CPM: variants seen among roughly 807,000 people sequenced by gnomAD.
The protein encoded by CPM is renal carboxypeptidase.
Under a neutral mutation model 46.4 loss-of-function variants are expected in CPM, and 35 were observed. That is an observed-to-expected ratio of 0.75 (90% CI 0.58 to 1.00). The LOEUF is 1.00. Ranked by LOEUF, CPM falls within the 50% of genes least tolerant of loss-of-function variation. CPM has a pLI of 0.00. For synonymous variants in CPM, 195 were observed against 195.3 expected (o/e 1.00, Z 0.01); for missense variants, 422 against 530.4 (o/e 0.80, Z 2.01).
In CPM at chr12:68,854,329, A is replaced by G. The variant is rs1375463813; in HGVS notation, c.*2108T>C. On this transcript the variant is annotated 3_prime_UTR_variant, in exon 9 of 9. Transcript: ENST00000551568. ...CTACTATGTGCTAGGCTTTGAGGAT[A>G]TAACAATGAATTTTTCAAACAAATT... The G allele has an allele frequency of 6.6e-6, 1 of 152,234 alleles. No individual in the cohort carries two copies. 9.4% of individuals were successfully genotyped at this position (152,234 alleles called of 1,614,324 possible).
chr12:68,900,870 G>A (rs759423824), intron 2 of CPM, among the ~76,000 whole-genome samples: 12 of 152,222 alleles, frequency 7.9e-5, no homozygotes, highest in African/African-American at 1.2e-4. Context: ...AAAGGCTAGT[G>A]AGGAGGGAAG....
intron 2 of CPM, among the ~76,000 whole-genome samples, chr12:68,903,936 G>C (rs1887228402): frequency 6.6e-6 from 1 of 151,778 alleles, no homozygotes. Context: ...GCCCAGGCTG[G>C]AATGCAGTGG....
intron 2 of CPM, among the ~76,000 whole-genome samples, chr12:68,890,481 C>T (rs1389926156): frequency 1.3e-5 from 2 of 152,044 alleles, no homozygotes; most frequent in Non-Finnish European, 2.9e-5. Flanking sequence ...GTGTGATAGC[C>T]ACAATGCATA....
chr12:68,908,907 A>G (rs1887462891), intron 2 of CPM, among the ~76,000 whole-genome samples: 1 of 152,224 alleles, frequency 6.6e-6, no homozygotes, highest in Non-Finnish European at 1.5e-5. Flanking sequence ...AAAACAGGCA[A>G]ATGGCATGAG....
At chr12:68,944,753 G>A (rs1229301874) in intron 1 of CPM, among the ~76,000 whole-genome samples, 6 of 151,596 alleles carry the variant, frequency 4.0e-5, no homozygotes, top group Non-Finnish European at 7.4e-5. Context: ...GAAGTGACAA[G>A]GCAGCAGAGC....
chr12:68,912,394 A>G (rs1339495315), intron 2 of CPM, among the ~76,000 whole-genome samples: 2 of 152,186 alleles, frequency 1.3e-5, no homozygotes, highest in African/African-American at 4.8e-5. Context: ...CTCAATTTCA[A>G]TACCTGATAC....
chr12:68,868,866 C>A (rs1248616510), intron 6 of CPM, among the ~76,000 whole-genome samples: 3 of 152,114 alleles, frequency 2.0e-5, no homozygotes, highest in African/African-American at 7.2e-5. Flanking sequence ...AGCAGCTGTC[C>A]CTGTTAGATG....
intron 2 of CPM, among the ~76,000 whole-genome samples, chr12:68,896,366 A>G (rs1464976306): frequency 6.6e-6 from 1 of 151,700 alleles, no homozygotes; most frequent in African/African-American, 2.4e-5. Context: ...ATTGAAACCA[A>G]AGGTTTTCCT....
intron 2 of CPM, among the ~76,000 whole-genome samples, chr12:68,925,810 G>C (rs1163315312): frequency 6.6e-6 from 1 of 152,078 alleles, no homozygotes; most frequent in Non-Finnish European, 1.5e-5. Flanking sequence ...CTCTATAGCA[G>C]CACAGTCCGA....
intron 1 of CPM, among the ~76,000 whole-genome samples, chr12:68,944,467 A>T (rs1888811102): frequency 6.6e-6 from 1 of 152,134 alleles, no homozygotes; most frequent in African/African-American, 2.4e-5. Flanking sequence ...GCAGTGGTAT[A>T]ATCATAGCTC....
rs1246619420 is a variant in CPM at position 68,856,133 on chromosome 12, AT to A, written c.*303del. ...ACAAAATGATCTTCTTTTTGCAGGC[AT>A]TTTTTTGCTTCTCAAGTTTTAACTT... On this transcript the variant is annotated 3_prime_UTR_variant, in exon 9 of 9. Coordinates refer to ENST00000551568, the MANE Select transcript of CPM (RefSeq NM_198320.5). 3.5e-5 allele frequency: 11 copies of A among 318,586 alleles called. No individual in the cohort carries two copies. The highest frequency in any genetic ancestry group is 8.9e-4 in the Middle Eastern group (1 of 1,126). The allele number at this position is 318,586 out of a possible 1,614,324, so 19.7% of individuals were successfully genotyped here.
rs767586607 is a variant in CPM at position 68,871,959 on chromosome 12, A to C, written c.259-3T>G. On this transcript the variant is annotated splice_region_variant and splice_polypyrimidine_tract_variant and intron_variant, in intron 3 of 8. Coordinates refer to ENST00000551568, the MANE Select transcript of CPM (RefSeq NM_198320.5). ...AGCAGCAGCTCCCGCCCAACAGTCT[A>C]TATGTGTTAAAGAGAAAAGAGGACA... The C allele has an allele frequency of 1.2e-6, 2 of 1,614,102 alleles. No homozygotes were observed. Among genetic ancestry groups the C allele is most frequent in the Non-Finnish European group, 1.7e-6 (2 of 1,180,004 alleles).
chr12:68,939,142 T>G (rs561703091), intron 1 of CPM, among the ~76,000 whole-genome samples: 1 of 145,840 alleles, frequency 6.9e-6, no homozygotes, highest in Non-Finnish European at 1.5e-5. Context: ...TATATGTACA[T>G]ATATCTATAA....
At chr12:68,861,720 G>A (rs1380358568) in intron 7 of CPM, among the ~76,000 whole-genome samples, 1 of 151,334 alleles carries the variant, frequency 6.6e-6, no homozygotes, top group Non-Finnish European at 1.5e-5. Flanking sequence ...TAGAGACAGG[G>A]TTTCTCCATG....
intron 2 of CPM, among the ~76,000 whole-genome samples, chr12:68,905,918 GT>G (rs1405613236): frequency 2.0e-5 from 3 of 152,108 alleles, no homozygotes; most frequent in African/African-American, 7.2e-5. Flanking sequence ...GGGAACACTG[GT>G]GACCACTGGG....
At chr12:68,915,571 C>A (rs879328682) in intron 2 of CPM, among the ~76,000 whole-genome samples, 1 of 152,168 alleles carries the variant, frequency 6.6e-6, no homozygotes, top group African/African-American at 2.4e-5. Context: ...CCCTGTAGGC[C>A]AGCTTACAAA....
At chr12:68,939,506 A>G (rs1345824447) in intron 1 of CPM, among the ~76,000 whole-genome samples, 2 of 151,928 alleles carry the variant, frequency 1.3e-5, no homozygotes, top group East Asian at 3.8e-4. Flanking sequence ...TGCTATCTTT[A>G]CAGAGCAAAA....
chr12:68,918,341 T>A (rs905245482), intron 2 of CPM, among the ~76,000 whole-genome samples: 3 of 152,204 alleles, frequency 2.0e-5, no homozygotes, highest in African/African-American at 7.2e-5. Flanking sequence ...TCTATGTTGA[T>A]GACTCCCAAC....
In CPM at chr12:68,853,073, T is replaced by TTTTG. The variant is rs1465125385; in HGVS notation, c.*3360_*3363dup. 5.3e-5 allele frequency: 8 copies of TTTTG among 152,370 alleles called. No individual in the cohort carries two copies. The East Asian group carries it at 1.5e-3, about 29-fold the overall frequency. The allele number at this position is 152,370 out of a possible 1,614,324, so 9.4% of individuals were successfully genotyped here. ...CCACAGTTAGAATATCATGATTGTGTTTTGTTAGTCTTTAAATGATTTTGA... is the reference window on the plus strand; with the variant it reads ...CCACAGTTAGAATATCATGATTGTGTTTTGTTTGTTAGTCTTTAAATGATTTTGA... On this transcript the variant is annotated 3_prime_UTR_variant, in exon 9 of 9. Transcript: ENST00000551568.
Sources: gnomAD v4.1 joint callset for allele counts (sites outside exome capture counted in the v4.1 genomes callset) on GRCh38, gnomAD v4.1.1 for gene constraint, MANE v1.5 for transcripts, NCBI Gene and HGNC (gene_info 2026-07-23, HGNC 2026-07-21) for gene names.